The following B3GALNT2 variants were observed in gnomAD, a reference collection of about 807,000 sequenced individuals.
B3GALNT2 encodes the protein beta-1,3-N-acetylgalactosaminyltransferase 2, also known as UDP-GalNAc:beta-1,3-N-acetylgalactosaminyltransferase 2.
B3GALNT2 carries 53 observed loss-of-function variants against 61.1 expected under a neutral mutation model. That is an observed-to-expected ratio of 0.87 (90% CI 0.70 to 1.09). B3GALNT2 has a LOEUF of 1.09. Among genes scored for constraint, B3GALNT2 ranks in the 50% least tolerant of loss-of-function variants. The probability of loss-of-function intolerance (pLI) is 0.00; values close to 1 mark genes in which losing one functional copy is unlikely to be tolerated. For synonymous variants in B3GALNT2, 223 were observed against 237.4 expected, an observed-to-expected ratio of 0.94 and a Z score of 0.56; for missense variants, 544 against 623.0, an observed-to-expected ratio of 0.87 and a Z score of 1.35.
chr1:235,497,076 A>G (rs1435318798), intron 1 of B3GALNT2, among the ~76,000 whole-genome samples: 1 of 152,236 alleles, frequency 6.6e-6, no homozygotes, highest in African/African-American at 2.4e-5. Flanking sequence ...TACGCTGGGT[A>G]ACACATCAAT....
chr1:235,482,088 A>T (rs919013548), intron 4 of B3GALNT2, among the ~76,000 whole-genome samples: 8 of 152,246 alleles, frequency 5.3e-5, no homozygotes, highest in Non-Finnish European at 1.0e-4. Flanking sequence ...TTCTGCTGCC[A>T]GTAATATCAG....
intron 1 of B3GALNT2, among the ~76,000 whole-genome samples, chr1:235,502,382 T>C (rs1199030841): frequency 6.6e-6 from 1 of 152,148 alleles, no homozygotes; most frequent in African/African-American, 2.4e-5. Context: ...TGGCACACGT[T>C]TACCTATGTA....
intron 5 of B3GALNT2, among the ~76,000 whole-genome samples, chr1:235,478,382 T>G (rs77940741): frequency 0.056 from 8,518 of 152,162 alleles, 460 homozygotes; most frequent in African/African-American, 0.14. Context: ...AAAGGTAACT[T>G]TGATGGTACA....
intron 6 of B3GALNT2, among the ~76,000 whole-genome samples, chr1:235,467,929 G>A (rs1431348780): frequency 6.6e-6 from 1 of 151,430 alleles, no homozygotes; most frequent in African/African-American, 2.4e-5. Context: ...ACGGGCATTA[G>A]CCATCACGCC....
rs570673956 is a variant in B3GALNT2 at position 235,485,340 on chromosome 1, C to G, written c.362-825G>C. Among the ~76,000 whole-genome samples, 25 of 152,296 alleles carry G rather than the reference C, an allele frequency of 1.6e-4. No homozygotes were observed. In the East Asian group the frequency reaches 4.8e-3, roughly 29 times the overall value. ...TTTTCTTTTATTTCTTTTTTTGAGA[C>G]AGTCACCCAGTCACCCAGGCTGCAG... On this transcript the variant is annotated intron_variant, in intron 3 of 11. Coordinates refer to ENST00000366600, the MANE Select transcript of B3GALNT2 (RefSeq NM_152490.5).
At chr1:235,457,955 G>A (rs545964010) in intron 8 of B3GALNT2, among the ~76,000 whole-genome samples, 1 of 150,106 alleles carries the variant, frequency 6.7e-6, no homozygotes, top group East Asian at 1.9e-4. Context: ...TGCCCAGGCT[G>A]GAGTGCAGTG....
At chr1:235,492,379 C>G (rs893768246) in intron 2 of B3GALNT2, among the ~76,000 whole-genome samples, 4 of 152,162 alleles carry the variant, frequency 2.6e-5, no homozygotes, top group Non-Finnish European at 5.9e-5. Flanking sequence ...TGCCTAATAT[C>G]TATTTTTATA....
At chr1:235,485,047 C>A (rs1280100724) in intron 3 of B3GALNT2, among the ~76,000 whole-genome samples, 1 of 152,204 alleles carries the variant, frequency 6.6e-6, no homozygotes, top group Non-Finnish European at 1.5e-5. Flanking sequence ...CTGTACAGCA[C>A]TGATAAAAGA....
At chr1:235,478,800 C>T (rs1170143231) in intron 5 of B3GALNT2, 1 of 152,182 alleles carries the variant, frequency 6.6e-6, no homozygotes, top group East Asian at 1.9e-4. Context: ...CGGCATAATC[C>T]TAGCAACTAT....
intron 5 of B3GALNT2, among the ~76,000 whole-genome samples, chr1:235,478,115 T>C (rs1684371470): frequency 6.6e-6 from 1 of 152,150 alleles, no homozygotes; most frequent in Non-Finnish European, 1.5e-5. Flanking sequence ...AGTGCAGTGT[T>C]GCAATCTTGG....
chr1:235,472,385 T>C (rs1387328688), intron 5 of B3GALNT2, among the ~76,000 whole-genome samples: 1 of 152,198 alleles, frequency 6.6e-6, no homozygotes, highest in African/African-American at 2.4e-5. Flanking sequence ...GCTGGCTCCT[T>C]AGTCCTGCTC....
In B3GALNT2 at chr1:235,494,788, A is replaced by G; in HGVS notation, c.153T>C (p.Tyr51=). 6.2e-7 allele frequency: 1 copy of G among 1,611,328 alleles called. No individual in the cohort carries two copies. Among genetic ancestry groups the G allele is most frequent in the Non-Finnish European group, 8.5e-7 (1 of 1,177,572 alleles). Residue 51 remains tyrosine, a synonymous_variant, in exon 2 of 12, where the codon TAT becomes TAC. Transcript: ENST00000366600. ...ALFPQWKSTH[Y]DVVVGVLSAR... is the part of the protein sequence containing the mutation. ...CTGACAACACGCCAACTACCACATC[A>G]TAGTGAGTAGATTTCCACTGAGGAA...
intron 5 of B3GALNT2, among the ~76,000 whole-genome samples, chr1:235,474,991 T>A (rs866374753): frequency 4.0e-3 from 206 of 51,460 alleles, no homozygotes; most frequent in Non-Finnish European, 4.9e-3. Context: ...ATATATATTT[T>A]TTTTTTTTTT....
the B3GALNT2 span, chr1:235,440,716 C>G: frequency 6.6e-6 from 1 of 152,034 alleles, no homozygotes; most frequent in Non-Finnish European, 1.5e-5. Flanking sequence ...TTTTTAAAGC[C>G]CCCCAGGTAA....
In B3GALNT2 at chr1:235,447,680, A is replaced by G. The variant is rs941798152; in HGVS notation, c.*2526T>C. Among the ~76,000 whole-genome samples, 1 of 152,238 alleles carries G rather than the reference A, an allele frequency of 6.6e-6. No homozygotes were observed. Among genetic ancestry groups the G allele is most frequent in the Non-Finnish European group, 1.5e-5 (1 of 68,044 alleles). ...TCGTTCAGTAATTCATAAGGAAGTC[A>G]TCATAAAGGTTTAAAAAGAAAACGT... On this transcript the variant is annotated 3_prime_UTR_variant, in exon 12 of 12. Transcript: ENST00000366600.
rs2102959635 is a variant in B3GALNT2, at chr1:235,449,047, AAG to A, written c.*1157_*1158del. On this transcript the variant is annotated 3_prime_UTR_variant, in exon 12 of 12. Coordinates refer to ENST00000366600, the MANE Select transcript of B3GALNT2 (RefSeq NM_152490.5). ...TGATAAGATTTAAATATTAAATAGA[AAG>A]AAACTAGCTAGCCTAATAAAATCTG... The A allele has an allele frequency of 2.9e-6, 1 of 345,362 alleles. No individual in the cohort carries two copies. The highest frequency in any genetic ancestry group is 4.2e-5 in the Admixed American group (1 of 23,532). The allele number at this position is 345,362 out of a possible 1,614,324, so 21.4% of individuals were successfully genotyped here.
intron 5 of B3GALNT2, chr1:235,479,050 A>G (rs939954968): frequency 6.6e-6 from 1 of 152,230 alleles, no homozygotes; most frequent in Non-Finnish European, 1.5e-5. Flanking sequence ...GGAGGTTCAG[A>G]TACAAATGAA....
At chr1:235,441,621 T>C in the B3GALNT2 span, 53 of 596,332 alleles carry the variant, frequency 8.9e-5, no homozygotes, top group Admixed American at 6.0e-4. Context: ...TCTGGGTAGA[T>C]AGAAGATTCT....
intron 11 of B3GALNT2, 31 bp from the exon 12 acceptor site, chr1:235,450,371 A>AGT (rs1368427271): frequency 6.2e-7 from 1 of 1,611,052 alleles, no homozygotes; most frequent in South Asian, 1.1e-5. Context: ...CCGATCTGAG[A>AGT]GTGGTGAAAC....
Sources: allele counts gnomAD v4.1 joint callset (sites outside exome capture counted in the v4.1 genomes callset), GRCh38; gene constraint gnomAD v4.1.1; transcripts MANE v1.5; gene names NCBI Gene and HGNC (gene_info 2026-07-23, HGNC 2026-07-21).